ARHGEF3: variants seen among roughly 807,000 people sequenced by gnomAD.
The protein encoded by ARHGEF3 is Rho guanine nucleotide exchange factor 3, also known as 59.8 kDA protein.
ARHGEF3 carries 28 observed loss-of-function variants against 63.2 expected under a neutral mutation model. The observed-to-expected ratio is 0.44, with a 90% confidence interval of 0.33 to 0.61. The LOEUF is 0.61. Ranked by LOEUF, ARHGEF3 falls within the 20% of genes least tolerant of loss-of-function variation. The probability of loss-of-function intolerance (pLI) is 0.03; values close to 1 mark genes in which losing one functional copy is unlikely to be tolerated. For synonymous variants in ARHGEF3, 266 were observed against 254.2 expected (o/e 1.05, Z -0.44); for missense variants, 533 against 659.3 (o/e 0.81, Z 2.10).
rs1265488624 is a variant in ARHGEF3, at chr3:57,070,046, TAGC to T, written c.-28+9177_-28+9179del. Among the ~76,000 whole-genome samples the T allele has an allele frequency of 3.3e-5, 5 of 152,358 alleles. No individual in the cohort carries two copies. In the East Asian group the frequency reaches 5.8e-4, roughly 18 times the overall value. On this transcript the variant is annotated intron_variant, in intron 1 of 12. Coordinates refer to the ARHGEF3 transcript ENST00000338458. Reference sequence around the variant, plus strand: ...TGGGGGTGAGGGGCTAAGATTGTTTTAGCAGCAGAACTCTTTCCTCAAATGAAA... The same window carrying T: ...TGGGGGTGAGGGGCTAAGATTGTTTTAGCAGAACTCTTTCCTCAAATGAAA...
Position 56,944,127 on chromosome 3 carries a change from C to A in ARHGEF3, c.129+14696G>T, listed in dbSNP as rs568496132. Reference sequence around the variant, plus strand: ...GGTGGAGGTTGCAGGGAGCCGAAATCACTCCACTGCACTCCAGCATGGATG... The same window carrying A: ...GGTGGAGGTTGCAGGGAGCCGAAATAACTCCACTGCACTCCAGCATGGATG... On this transcript the variant is annotated intron_variant, in intron 3 of 12. Transcript: ENST00000338458. 3.3e-5 allele frequency among the ~76,000 whole-genome samples: 5 copies of A among 152,260 alleles called. No homozygotes were observed. In the South Asian group the frequency reaches 1.0e-3, roughly 32 times the overall value.
intron 4 of ARHGEF3, among the ~76,000 whole-genome samples, chr3:56,829,651 G>A (rs1227264894): frequency 6.6e-6 from 1 of 152,202 alleles, no homozygotes; most frequent in Non-Finnish European, 1.5e-5. Context: ...ACTCTTTTCT[G>A]TGGAAATTCC....
chr3:56,767,946 C>T (rs2035800674), intron 2 of ARHGEF3, among the ~76,000 whole-genome samples: 1 of 151,956 alleles, frequency 6.6e-6, no homozygotes, highest in Admixed American at 6.6e-5. Flanking sequence ...CGGGGTTTCA[C>T]CATGTTGGCC....
intron 1 of ARHGEF3, among the ~76,000 whole-genome samples, chr3:57,063,429 T>A (rs1328556343): frequency 2.0e-5 from 3 of 152,088 alleles, no homozygotes; most frequent in Non-Finnish European, 2.9e-5. Flanking sequence ...AGGCAGAGGC[T>A]TGGAGGCCGC....
chr3:56,984,174 T>G (rs1418219448), intron 2 of ARHGEF3, among the ~76,000 whole-genome samples: 2 of 152,142 alleles, frequency 1.3e-5, no homozygotes, highest in Non-Finnish European at 2.9e-5. Context: ...CATCCATGCA[T>G]GGAAGTCAAA....
chr3:56,912,587 T>C (rs2108341493), intron 3 of ARHGEF3, among the ~76,000 whole-genome samples: 1 of 152,342 alleles, frequency 6.6e-6, no homozygotes, highest in Non-Finnish European at 1.5e-5. Flanking sequence ...TAGTAGCCAA[T>C]CCCTACAGTG....
intron 3 of ARHGEF3, among the ~76,000 whole-genome samples, chr3:56,946,397 G>A (rs1007021200): frequency 6.6e-6 from 1 of 152,106 alleles, no homozygotes; most frequent in Non-Finnish European, 1.5e-5. Flanking sequence ...TTAGACAAAT[G>A]GCTAACTAGA....
chr3:56,752,077 T>G (rs1444963135), intron 4 of ARHGEF3, among the ~76,000 whole-genome samples: 1 of 119,118 alleles, frequency 8.4e-6, no homozygotes, highest in Non-Finnish European at 1.5e-5. Flanking sequence ...AAAAAATATT[T>G]TTTTCTTTTT....
At chr3:56,934,039 T>C (rs1163580828) in intron 3 of ARHGEF3, among the ~76,000 whole-genome samples, 1 of 152,216 alleles carries the variant, frequency 6.6e-6, no homozygotes, top group Non-Finnish European at 1.5e-5. Flanking sequence ...GATTGTATGT[T>C]TCCTGAGGCC....
chr3:56,767,358 A>G (rs911973047), intron 2 of ARHGEF3, among the ~76,000 whole-genome samples: 50 of 151,788 alleles, frequency 3.3e-4, no homozygotes, highest in African/African-American at 1.2e-3. Flanking sequence ...TGAGGCGGGC[A>G]GATCATGAGG....
upstream of ARHGEF3, among the ~76,000 whole-genome samples, chr3:56,803,888 C>CTT (rs113834830): frequency 9.9e-3 from 1,423 of 143,672 alleles, 66 homozygotes; most frequent in East Asian, 0.1. Flanking sequence ...TATTTTCTTT[C>CTT]TTTTTTTTTT....
At chr3:56,773,406 C>T (rs2036110231) in intron 2 of ARHGEF3, among the ~76,000 whole-genome samples, 1 of 152,140 alleles carries the variant, frequency 6.6e-6, no homozygotes, top group South Asian at 2.1e-4. Context: ...TGCTGGTTTC[C>T]TCAGGAGGCC....
intron 1 of ARHGEF3, among the ~76,000 whole-genome samples, chr3:57,048,096 A>G (rs1704534632): frequency 6.6e-6 from 1 of 152,104 alleles, no homozygotes; most frequent in African/African-American, 2.4e-5. Context: ...GCTGGCCTTC[A>G]GAGGATCCAG....
At chr3:56,862,407 CA>C (rs2040107487) in intron 4 of ARHGEF3, among the ~76,000 whole-genome samples, 1 of 152,118 alleles carries the variant, frequency 6.6e-6, no homozygotes, top group Admixed American at 6.5e-5. Context: ...AATGGCTAAA[CA>C]AAAAGCTTTT....
intron 3 of ARHGEF3, among the ~76,000 whole-genome samples, chr3:56,925,309 C>G (rs2042247624): frequency 6.6e-6 from 1 of 152,154 alleles, no homozygotes; most frequent in Non-Finnish European, 1.5e-5. Flanking sequence ...TGGAGTTGTC[C>G]CTGTTTCCCT....
At chr3:56,959,380 G>A (rs1335344692) in intron 2 of ARHGEF3, among the ~76,000 whole-genome samples, 1 of 152,100 alleles carries the variant, frequency 6.6e-6, no homozygotes, top group Non-Finnish European at 1.5e-5. Context: ...AGCTGAAACT[G>A]GTTTCCTCAC....
chr3:57,037,671 G>A (rs940842636), intron 1 of ARHGEF3, among the ~76,000 whole-genome samples: 4 of 152,166 alleles, frequency 2.6e-5, no homozygotes, highest in African/African-American at 9.6e-5. Context: ...TCAGGAGATC[G>A]AGACCATCCT....
chr3:57,023,777 A>C (rs547269956), intron 2 of ARHGEF3, among the ~76,000 whole-genome samples: 3 of 152,270 alleles, frequency 2.0e-5, no homozygotes, highest in Non-Finnish European at 4.4e-5. Context: ...TCTGTCTGCT[A>C]CTTCCCACGG....
rs147683243 is a variant in ARHGEF3 at position 56,897,980 on chromosome 3, A to G, written c.130-15626T>C. The stretch of plus-strand genomic sequence containing the variant: ...ACTGAAGCCTTGACCTCTGGGTCCA[A>G]CTGATTCTCCCACCTTGGCCTCCCA... On this transcript the variant is annotated intron_variant, in intron 3 of 12. Coordinates refer to the ARHGEF3 transcript ENST00000338458. 1.1e-3 allele frequency among the ~76,000 whole-genome samples: 169 copies of G among 151,558 alleles called. No homozygotes were observed. In the East Asian group the frequency reaches 0.019, roughly 17 times the overall value.
Sources: gnomAD v4.1 joint callset for allele counts (sites outside exome capture counted in the v4.1 genomes callset) on GRCh38, gnomAD v4.1.1 for gene constraint, MANE v1.5 for transcripts, NCBI Gene and HGNC (gene_info 2026-07-23, HGNC 2026-07-21) for gene names.